Variants in PLEKHA1 observed in about 807,000 individuals in gnomAD.
The protein encoded by PLEKHA1 is pleckstrin homology domain containing A1, also known as pleckstrin homology domain-containing family A member 1.
In PLEKHA1, 34 loss-of-function variants were observed where a neutral mutation model predicts 52.0. The observed-to-expected ratio is 0.65, with a 90% CI of 0.50 to 0.87. The LOEUF is 0.87. Among genes scored for constraint, PLEKHA1 ranks in the 40% least tolerant of loss-of-function variants. PLEKHA1 has a pLI of 0.00. For synonymous variants in PLEKHA1, 163 were observed against 170.7 expected, an observed-to-expected ratio of 0.95 and a Z score of 0.35; for missense variants, 497 against 504.2, an observed-to-expected ratio of 0.99 and a Z score of 0.14.
intron 1 of PLEKHA1, chr10:122,387,640 G>T (rs1317659533): frequency 6.6e-6 from 1 of 152,168 alleles, no homozygotes; most frequent in Non-Finnish European, 1.5e-5. Flanking sequence ...CATCTTGGGG[G>T]TCTCTCTCTT....
At chr10:122,433,610 T>C (rs1192579650), downstream of PLEKHA1, 17 of 152,186 alleles carry the variant, frequency 1.1e-4, no homozygotes, top group Admixed American at 1.1e-3. Flanking sequence ...CAGATCTCTG[T>C]TGAATCAAGT....
At chr10:122,375,802 G>A (rs187102338) in intron 1 of PLEKHA1, among the ~76,000 whole-genome samples, 1 of 152,096 alleles carries the variant, frequency 6.6e-6, no homozygotes, top group Non-Finnish European at 1.5e-5. Context: ...CGTTTTCCTC[G>A]TCTGTTTGTT....
intron 1 of PLEKHA1, among the ~76,000 whole-genome samples, chr10:122,385,404 G>A (rs1467303283): frequency 2.2e-5 from 3 of 136,112 alleles, no homozygotes; most frequent in African/African-American, 5.5e-5. Flanking sequence ...TGCAACCTCC[G>A]CCTCCCGGGT....
At chr10:122,433,832 T>C (rs2097428743), downstream of PLEKHA1, 1 of 152,232 alleles carries the variant, frequency 6.6e-6, no homozygotes, top group African/African-American at 2.4e-5. Flanking sequence ...TGTTCAGCAC[T>C]TTCAAAAAGG....
At chr10:122,380,250 G>C (rs1035561120) in intron 1 of PLEKHA1, among the ~76,000 whole-genome samples, 9 of 152,136 alleles carry the variant, frequency 5.9e-5, no homozygotes, top group African/African-American at 1.9e-4. Flanking sequence ...AGTTACTGAG[G>C]GTCTTGCATG....
At chr10:122,434,685 A>G (rs1398093182), downstream of PLEKHA1, 1 of 148,942 alleles carries the variant, frequency 6.7e-6, no homozygotes, top group Non-Finnish European at 1.5e-5. Context: ...GTCATTTAGC[A>G]TTAGGTATAT....
At chr10:122,391,525 C>T (rs2096775354) in intron 1 of PLEKHA1, among the ~76,000 whole-genome samples, 1 of 151,956 alleles carries the variant, frequency 6.6e-6, no homozygotes, top group Non-Finnish European at 1.5e-5. Context: ...GGCTTTTTTC[C>T]CCCACATTGA....
intron 5 of PLEKHA1, among the ~76,000 whole-genome samples, chr10:122,410,374 A>G (rs188934715): frequency 6.6e-6 from 1 of 152,320 alleles, no homozygotes; most frequent in Admixed American, 6.5e-5. Flanking sequence ...AAAGAAACCA[A>G]GTGGATTCAG....
At chr10:122,416,110 G>C (rs1271975378) in intron 7 of PLEKHA1, 108 bp downstream of exon 7, 1 of 1,234,702 alleles carries the variant, frequency 8.1e-7, no homozygotes, top group Non-Finnish European at 1.1e-6. Context: ...CCCAAAGTGA[G>C]AGACCGGCAT....
At chr10:122,436,896 C>T (rs1029421288), downstream of PLEKHA1, 2 of 151,696 alleles carry the variant, frequency 1.3e-5, no homozygotes, top group East Asian at 1.9e-4. Context: ...CTTTCCCTCC[C>T]GAACTGTGGT....
chr10:122,375,941 C>G (rs1297999861), intron 1 of PLEKHA1, among the ~76,000 whole-genome samples: 1 of 152,088 alleles, frequency 6.6e-6, no homozygotes, highest in Non-Finnish European at 1.5e-5. Context: ...ATCTTATTTC[C>G]TGTGTGTTTA....
In PLEKHA1 at chr10:122,394,199, C is replaced by T. The variant is rs563114908; in HGVS notation, c.141+858C>T. Among the ~76,000 whole-genome samples the T allele has an allele frequency of 7.3e-5, 11 of 151,020 alleles. No individual in the cohort carries two copies. In the South Asian group the frequency reaches 2.1e-3, roughly 29 times the overall value. The stretch of plus-strand genomic sequence containing the variant: ...AAGTGATTCTCATGCCTCAGCCTCC[C>T]GAGTAGCTGGGACTACAGGGGTGTG... On this transcript the variant is annotated intron_variant, in intron 2 of 11. Coordinates refer to ENST00000368990, the MANE Select transcript of PLEKHA1 (RefSeq NM_001001974.4).
In PLEKHA1 at chr10:122,397,966, A is replaced by C; in HGVS notation, c.190A>C (p.Ile64Leu). ...SRVGAIKLTY[I>L]SKVSDATKLR... ...TGTTGGAGCCATTAAGCTTACCTAC[A>C]TTTCAAAGGTAGTCTTTATACATTG... is the stretch of plus-strand genomic sequence containing the variant. Residue 64 changes from isoleucine to leucine, a missense_variant, in exon 3 of 12, where the codon ATT becomes CTT. By Grantham distance (5) the Ile-to-Leu change is conservative. Coordinates refer to ENST00000368990, the MANE Select transcript of PLEKHA1 (RefSeq NM_001001974.4). The C allele has an allele frequency of 6.2e-7, 1 of 1,608,276 alleles. No homozygotes were observed. The highest frequency in any genetic ancestry group is 8.5e-7 in the Non-Finnish European group (1 of 1,175,454).
intron 1 of PLEKHA1, chr10:122,386,822 A>G (rs1042713609): frequency 6.6e-6 from 1 of 152,208 alleles, no homozygotes; most frequent in Non-Finnish European, 1.5e-5. Context: ...GAATTCACAT[A>G]TGAACTATTT....
At chr10:122,375,869 A>G (rs911973277) in intron 1 of PLEKHA1, among the ~76,000 whole-genome samples, 1 of 152,150 alleles carries the variant, frequency 6.6e-6, no homozygotes, top group Non-Finnish European at 1.5e-5. Context: ...CGTTGTTTTA[A>G]TAAGATTTTC....
At chr10:122,400,534 G>A in intron 4 of PLEKHA1, 146 bp downstream of exon 4, 1 of 660,866 alleles carries the variant, frequency 1.5e-6, no homozygotes, top group Admixed American at 3.4e-5. Flanking sequence ...ATACAGATAA[G>A]GAAATAACAT....
At chr10:122,399,359 TGATTTAAAGG>T (rs1411971184) in intron 3 of PLEKHA1, among the ~76,000 whole-genome samples, 2 of 152,234 alleles carry the variant, frequency 1.3e-5, no homozygotes, top group East Asian at 3.9e-4. Flanking sequence ...GGGAGGTACT[TGATTTAAAGG>T]GATAGCAGCA....
the PLEKHA1 span, chr10:122,439,190 A>G: frequency 6.6e-6 from 1 of 152,176 alleles, no homozygotes; most frequent in Non-Finnish European, 1.5e-5. Context: ...CCAGTTCTCA[A>G]TATTTAACCA....
intron 5 of PLEKHA1, 52 bp downstream of exon 5, chr10:122,406,725 T>A (rs745669003): frequency 7.4e-7 from 1 of 1,357,574 alleles, no homozygotes; most frequent in Non-Finnish European, 1.0e-6. Flanking sequence ...ATTAATCTTT[T>A]CATTTTGAAA....
Sources: gnomAD v4.1 joint callset for allele counts (sites outside exome capture counted in the v4.1 genomes callset) on GRCh38, gnomAD v4.1.1 for gene constraint, MANE v1.5 for transcripts, NCBI Gene and HGNC (gene_info 2026-07-23, HGNC 2026-07-21) for gene names.